Variants in SEMA3A observed in about 807,000 individuals in gnomAD.
SEMA3A encodes the protein semaphorin-3A.
SEMA3A carries 29 observed loss-of-function variants against 97.9 expected under a neutral mutation model. The ratio of observed to expected loss-of-function variants is 0.30; its 90% CI spans 0.22 to 0.40. SEMA3A has a LOEUF of 0.40. SEMA3A is among the 10% of genes least tolerant of loss of function. The pLI is 1.00. For synonymous variants in SEMA3A, 321 were observed against 323.7 expected (o/e 0.99, Z 0.09); for missense variants, 763 against 951.3 (o/e 0.80, Z 2.60).
At chr7:84,465,482 T>C (rs1320715234) in intron 1 of SEMA3A, among the ~76,000 whole-genome samples, 1 of 152,196 alleles carries the variant, frequency 6.6e-6, no homozygotes, top group Non-Finnish European at 1.5e-5. Flanking sequence ...TATTCATATG[T>C]GTTCTTCTGT....
chr7:84,001,398 A>C (rs3801595), intron 12 of SEMA3A, among the ~76,000 whole-genome samples: 6,849 of 150,494 alleles, frequency 0.046, 300 homozygotes, highest in East Asian at 0.2. Context: ...AAAGGGACAA[A>C]TATATGTACA....
chr7:84,414,404 A>AAG (rs1804371847), intron 1 of SEMA3A, among the ~76,000 whole-genome samples: 1 of 151,978 alleles, frequency 6.6e-6, no homozygotes, highest in African/African-American at 2.4e-5. Flanking sequence ...TAAAAAAAAA[A>AAG]AAAAAACAGT....
At chr7:84,118,920 G>A (rs1162932922) in intron 3 of SEMA3A, among the ~76,000 whole-genome samples, 1 of 151,942 alleles carries the variant, frequency 6.6e-6, no homozygotes, top group Non-Finnish European at 1.5e-5. Flanking sequence ...GTTGGTCTCT[G>A]GTAAAACCAT....
chr7:84,409,767 A>G (rs1053497392), intron 1 of SEMA3A, among the ~76,000 whole-genome samples: 1 of 152,142 alleles, frequency 6.6e-6, no homozygotes, highest in Non-Finnish European at 1.5e-5. Flanking sequence ...TTAGATAAGA[A>G]AAACTAAGCT....
At position 84,332,401 on chromosome 7, in the gene SEMA3A, G is replaced by A. The variant is rs563095203; in HGVS notation, c.-168-25109C>T. The stretch of plus-strand genomic sequence containing the variant: ...GCCCATCACTGGATACACCACCAAT[G>A]AAAAGAGATGTTCTTAATTCTACGA... On this transcript the variant is annotated intron_variant, in intron 2 of 3. Coordinates refer to the SEMA3A transcript ENST00000424555. 3.4e-4 allele frequency among the ~76,000 whole-genome samples: 51 copies of A among 152,182 alleles called. 1 individual carries two copies. The highest frequency in any genetic ancestry group is 1.2e-3 in the African/African-American group (50 of 41,522).
chr7:83,972,931 G>A (rs1200793267), intron 15 of SEMA3A, among the ~76,000 whole-genome samples: 1 of 152,072 alleles, frequency 6.6e-6, no homozygotes, highest in Non-Finnish European at 1.5e-5. Context: ...TATTCAAAAA[G>A]GGTTTATAAA....
intron 1 of SEMA3A, among the ~76,000 whole-genome samples, chr7:84,475,948 T>G (rs893208211): frequency 1.8e-4 from 27 of 152,200 alleles, no homozygotes; most frequent in African/African-American, 6.3e-4. Context: ...TAGTAAAACA[T>G]ACAAATAAAG....
chr7:84,431,493 CT>C (rs1442385800), intron 1 of SEMA3A, among the ~76,000 whole-genome samples: 1 of 151,932 alleles, frequency 6.6e-6, no homozygotes, highest in African/African-American at 2.4e-5. Context: ...TATGCTCACT[CT>C]TAAGAGTCAG....
chr7:84,440,976 T>C (rs1320816798), intron 1 of SEMA3A, among the ~76,000 whole-genome samples: 4 of 152,044 alleles, frequency 2.6e-5, no homozygotes, highest in East Asian at 1.9e-4. Context: ...CTGACCAACA[T>C]GGAGAAACAC....
rs1054778478 is a variant in SEMA3A at position 84,390,454 on chromosome 7, C to T, written c.-245-18554G>A. ...ATGATAAATAAAAAATATTTCTGGT[C>T]ATAAATATAATTTGTGAGAACATTA... is the stretch of plus-strand genomic sequence containing the variant. On this transcript the variant is annotated intron_variant, in intron 1 of 3. Coordinates refer to the SEMA3A transcript ENST00000424555. Among the ~76,000 whole-genome samples the T allele has an allele frequency of 3.3e-5, 5 of 151,556 alleles. No individual in the cohort carries two copies. In the East Asian group the frequency reaches 7.8e-4, roughly 24 times the overall value.
chr7:84,280,140 C>G (rs899422947), intron 3 of SEMA3A, among the ~76,000 whole-genome samples: 3 of 152,120 alleles, frequency 2.0e-5, no homozygotes, highest in African/African-American at 7.2e-5. Context: ...TCAAGCGATC[C>G]TCCACCCTGG....
At chr7:84,100,328 T>G (rs1794921359) in intron 4 of SEMA3A, among the ~76,000 whole-genome samples, 1 of 152,146 alleles carries the variant, frequency 6.6e-6, no homozygotes, top group Non-Finnish European at 1.5e-5. Flanking sequence ...CTTCTCCTAT[T>G]GTATGGTGCT....
chr7:84,000,023 C>T (rs986058891), intron 12 of SEMA3A, among the ~76,000 whole-genome samples: 2 of 151,962 alleles, frequency 1.3e-5, no homozygotes, highest in Admixed American at 6.6e-5. Flanking sequence ...TTCATCAATA[C>T]TAATTCATTC....
intron 4 of SEMA3A, among the ~76,000 whole-genome samples, chr7:84,072,387 C>T (rs1793772461): frequency 6.6e-6 from 1 of 152,052 alleles, no homozygotes; most frequent in Non-Finnish European, 1.5e-5. Context: ...TGTATCCCAT[C>T]ATTCCAGTTG....
intron 6 of SEMA3A, among the ~76,000 whole-genome samples, chr7:84,017,719 G>A (rs1025370438): frequency 1.3e-5 from 2 of 152,040 alleles, no homozygotes; most frequent in East Asian, 1.9e-4. Context: ...TCCCACAAAC[G>A]TTGCCTTCCC....
chr7:84,117,646 T>G (rs1795475019), intron 3 of SEMA3A, among the ~76,000 whole-genome samples: 2 of 152,192 alleles, frequency 1.3e-5, no homozygotes, highest in African/African-American at 4.8e-5. Flanking sequence ...AGAATCTAAT[T>G]AATATCTGAT....
In SEMA3A at chr7:84,134,924, G is replaced by T. The variant is rs778996208; in HGVS notation, c.140C>A (p.Thr47Asn). The change falls in exon 2 of 17, where the codon ACT becomes AAT. Residue 47 changes from threonine (T) to asparagine (N), a missense_variant. Transcript: ENST00000265362. ...KEMLESNNVI[T>N]FNGLANSSSY... The stretch of plus-strand genomic sequence containing the variant: ...GGAGCTGTTGGCCAAGCCATTGAAA[G>T]TGATCACATTGTTGGATTCCAACAT... 16 of 1,613,412 alleles carry T rather than the reference G, an allele frequency of 9.9e-6. No individual in the cohort carries two copies. In the South Asian group the frequency reaches 1.3e-4, roughly 13 times the overall value.
chr7:84,409,228 G>A (rs1291526132), intron 1 of SEMA3A, among the ~76,000 whole-genome samples: 1 of 151,432 alleles, frequency 6.6e-6, no homozygotes, highest in Non-Finnish European at 1.5e-5. Context: ...ACATCTTTGA[G>A]GTGATGGATA....
intron 3 of SEMA3A, among the ~76,000 whole-genome samples, chr7:84,121,602 GTCT>G (rs1795619618): frequency 1.0e-5 from 1 of 100,436 alleles, no homozygotes; most frequent in South Asian, 3.6e-4. Context: ...TCTTAATCCA[GTCT>G]ATCATTGATG....
Sources: allele counts gnomAD v4.1 joint callset (sites outside exome capture counted in the v4.1 genomes callset), GRCh38; gene constraint gnomAD v4.1.1; transcripts MANE v1.5; gene names NCBI Gene and HGNC (gene_info 2026-07-23, HGNC 2026-07-21).